Variants in TENM3 observed in about 807,000 individuals in gnomAD.
TENM3 encodes the protein teneurin-3.
In TENM3, 63 loss-of-function variants were observed where a neutral mutation model predicts 255.1. That is an observed-to-expected ratio of 0.25 (90% confidence interval 0.20 to 0.30). The LOEUF is 0.30. Among genes scored for constraint, TENM3 ranks in the 10% least tolerant of loss-of-function variants. TENM3 has a pLI of 1.00. For missense variants in TENM3, 2,929 were observed against 3,461.1 expected (o/e 0.85, Z 3.86); for synonymous variants, 1,306 against 1,322.3 (o/e 0.99, Z 0.27).
chr4:181,820,909 T>C, the TENM3 span, among the ~76,000 whole-genome samples: 2 of 152,176 alleles, frequency 1.3e-5, no homozygotes, highest in African/African-American at 4.8e-5. Flanking sequence ...TTCGACACAA[T>C]CTAAATTTTA....
chr4:182,322,417 G>A (rs971644286), intron 1 of TENM3, among the ~76,000 whole-genome samples: 1 of 152,176 alleles, frequency 6.6e-6, no homozygotes, highest in Non-Finnish European at 1.5e-5. Flanking sequence ...ATAGCAGGGA[G>A]GAACACTCCA....
At position 182,736,761 on chromosome 4, in the gene TENM3, C is replaced by T. The variant is rs187739210; in HGVS notation, c.2968-47C>T. On this transcript the variant is annotated intron_variant, in intron 16 of 27. Coordinates refer to ENST00000511685, the MANE Select transcript of TENM3 (RefSeq NM_001080477.4). Reference sequence around the variant, plus strand: ...GCTACATAAATATATTTTATCTAATCGTCATACGTGATCACAGTTTGAAAC... The same window carrying T: ...GCTACATAAATATATTTTATCTAATTGTCATACGTGATCACAGTTTGAAAC... 1.1e-3 allele frequency: 1,642 copies of T among 1,537,500 alleles called. 15 individuals are homozygous for T. The highest frequency in any genetic ancestry group is 5.0e-4 in the East Asian group (22 of 44,202).
At chr4:182,122,600 A>C in the TENM3 span, among the ~76,000 whole-genome samples, 1 of 152,182 alleles carries the variant, frequency 6.6e-6, no homozygotes, top group East Asian at 1.9e-4. Context: ...TAAAATTTCC[A>C]ATAAACCATG....
At chr4:181,674,352 A>G in the TENM3 span, among the ~76,000 whole-genome samples, 1 of 151,782 alleles carries the variant, frequency 6.6e-6, no homozygotes, top group African/African-American at 2.4e-5. Context: ...TAATAATCTT[A>G]TTAGTGTATC....
At chr4:182,396,690 G>A (rs143233103) in intron 3 of TENM3, among the ~76,000 whole-genome samples, 3 of 152,246 alleles carry the variant, frequency 2.0e-5, no homozygotes, top group East Asian at 1.9e-4. Flanking sequence ...GACCAGGCAC[G>A]GTGGTTCACA....
At chr4:182,349,612 G>A (rs1168502944) in intron 3 of TENM3, among the ~76,000 whole-genome samples, 3 of 152,020 alleles carry the variant, frequency 2.0e-5, no homozygotes, top group Non-Finnish European at 2.9e-5. Flanking sequence ...TCATACATAG[G>A]TTCTTCTAAC....
chr4:181,912,787 A>AG, the TENM3 span, among the ~76,000 whole-genome samples: 3 of 151,502 alleles, frequency 2.0e-5, no homozygotes. Context: ...AAAAAAAAAA[A>AG]GATTGTTGCA....
At chr4:181,708,267 T>G in the TENM3 span, among the ~76,000 whole-genome samples, 1 of 152,238 alleles carries the variant, frequency 6.6e-6, no homozygotes, top group Non-Finnish European at 1.5e-5. Context: ...TGATAAGATA[T>G]AATTAGGTTT....
chr4:182,722,230 C>G (rs1005677699), intron 13 of TENM3, among the ~76,000 whole-genome samples: 2 of 151,950 alleles, frequency 1.3e-5, no homozygotes, highest in African/African-American at 4.8e-5. Flanking sequence ...TTTTTAAGTA[C>G]CTATTGGAGT....
At chr4:181,458,427 C>T in the TENM3 span, among the ~76,000 whole-genome samples, 1 of 151,848 alleles carries the variant, frequency 6.6e-6, no homozygotes, top group Non-Finnish European at 1.5e-5. Context: ...GAAACCCAAT[C>T]CATCATTGCT....
intron 22 of TENM3, 40 bp from the exon 23 acceptor site, chr4:182,773,432 G>A: frequency 1.9e-6 from 3 of 1,541,592 alleles, no homozygotes; most frequent in Non-Finnish European, 8.8e-7. Context: ...AGAAACTGCA[G>A]TTTCCTATTT....
At chr4:182,561,285 A>G (rs573504932) in intron 3 of TENM3, among the ~76,000 whole-genome samples, 14 of 151,766 alleles carry the variant, frequency 9.2e-5, no homozygotes, top group Non-Finnish European at 5.9e-5. Flanking sequence ...TAAATATGTA[A>G]ATAAAAATGA....
At chr4:182,483,318 T>A (rs1456265425) in intron 3 of TENM3, among the ~76,000 whole-genome samples, 2 of 152,196 alleles carry the variant, frequency 1.3e-5, no homozygotes, top group Admixed American at 1.3e-4. Context: ...TATGTAACAG[T>A]ACCATTTTCC....
chr4:181,979,904 C>G, the TENM3 span, among the ~76,000 whole-genome samples: 1 of 152,126 alleles, frequency 6.6e-6, no homozygotes, highest in Admixed American at 6.6e-5. Flanking sequence ...CTGACCCAGG[C>G]CAAGTGGTAG....
At chr4:182,282,917 T>A (rs921535197) in intron 1 of TENM3, among the ~76,000 whole-genome samples, 25 of 147,840 alleles carry the variant, frequency 1.7e-4, no homozygotes, top group Middle Eastern at 3.4e-3. Flanking sequence ...AAAAAAAAAA[T>A]TTATAGTTAA....
At position 182,799,593 on chromosome 4, in the gene TENM3, C is replaced by T; in HGVS notation, c.7345-3C>T. ...CGCGCCCCCTCTTTTGTTTCGCCCG[C>T]AGCCCATCTTCGGAGTCCAGCAGCA... On this transcript the variant is annotated splice_polypyrimidine_tract_variant and splice_region_variant and intron_variant, in intron 27 of 27. Coordinates refer to ENST00000511685, the MANE Select transcript of TENM3 (RefSeq NM_001080477.4). This position sits in a 1 kb window ranked among gnomAD's most constrained non-coding sequence, Gnocchi z 4.2. 1 of 1,537,102 alleles carries T rather than the reference C, an allele frequency of 6.5e-7. No homozygotes were observed.
the TENM3 span, chr4:181,522,590 T>G: frequency 2.3e-6 from 1 of 439,138 alleles, no homozygotes; most frequent in Admixed American, 3.3e-5. Context: ...TTTGGAGAAA[T>G]AGATAGACAA....
chr4:181,703,926 T>C, the TENM3 span, among the ~76,000 whole-genome samples: 1 of 152,034 alleles, frequency 6.6e-6, no homozygotes, highest in Non-Finnish European at 1.5e-5. Flanking sequence ...GCATAAGAAA[T>C]ATAACAGAAT....
chr4:181,530,774 C>T, the TENM3 span, among the ~76,000 whole-genome samples: 2 of 152,126 alleles, frequency 1.3e-5, no homozygotes, highest in Non-Finnish European at 2.9e-5. Flanking sequence ...CTGTCGTATT[C>T]GTTGGAGGAG....
Sources: allele counts gnomAD v4.1 joint callset (sites outside exome capture counted in the v4.1 genomes callset), GRCh38; gene constraint gnomAD v4.1.1; non-coding constraint Gnocchi (gnomAD v3.1); transcripts MANE v1.5; gene names NCBI Gene and HGNC (gene_info 2026-07-23, HGNC 2026-07-21).